WNT7B: variants seen among roughly 807,000 people sequenced by gnomAD.
WNT7B encodes the protein protein Wnt-7b.
In WNT7B, 19 loss-of-function variants were observed where a neutral mutation model predicts 38.2. That is an observed-to-expected ratio of 0.50 (90% confidence interval 0.35 to 0.73). WNT7B has a LOEUF of 0.73. Ranked by LOEUF, WNT7B falls within the 30% of genes least tolerant of loss-of-function variation. WNT7B has a pLI of 0.01. For missense variants in WNT7B, 423 were observed against 507.9 expected (o/e 0.83, Z 1.61); for synonymous variants, 243 against 209.3 (o/e 1.16, Z -1.39).
rs1244529283 is a variant in WNT7B at position 45,921,568 on chromosome 22, T to C, written c.*1288A>G. The C allele has an allele frequency of 1.3e-5, 2 of 152,098 alleles. No individual in the cohort carries two copies. The allele number at this position is 152,098 out of a possible 1,614,324, so 9.4% of individuals were successfully genotyped here. A position where few individuals can be genotyped will look rare whatever the true frequency, so the allele number is the denominator to read the frequency against. On this transcript the variant is annotated 3_prime_UTR_variant, in exon 4 of 4. Coordinates refer to ENST00000339464, the MANE Select transcript of WNT7B (RefSeq NM_058238.3). ...GGCCTCAGAGTTCCCATCTGTCAAG[T>C]GGGACAAACATCCCTGACCACTCAC...
chr22:45,959,433 C>T (rs1263814530), intron 1 of WNT7B, among the ~76,000 whole-genome samples: 2 of 152,092 alleles, frequency 1.3e-5, no homozygotes, highest in Non-Finnish European at 2.9e-5. Context: ...CCAAAGTCGC[C>T]CTCGAGAGGG....
At chr22:45,945,952 A>G (rs1416661744) in intron 2 of WNT7B, among the ~76,000 whole-genome samples, 2 of 152,256 alleles carry the variant, frequency 1.3e-5, no homozygotes, top group African/African-American at 4.8e-5. Context: ...AGGCTAGCAC[A>G]TGATGGGCAG....
At chr22:45,945,124 C>T (rs1054698924) in intron 2 of WNT7B, among the ~76,000 whole-genome samples, 2 of 151,884 alleles carry the variant, frequency 1.3e-5, no homozygotes, top group Non-Finnish European at 2.9e-5. Context: ...ACTCTTGTTG[C>T]CCAGGCTGGA....
At chr22:45,943,236 G>A (rs912655940) in intron 2 of WNT7B, among the ~76,000 whole-genome samples, 12 of 152,118 alleles carry the variant, frequency 7.9e-5, no homozygotes, top group East Asian at 5.8e-4. Flanking sequence ...AGCCCCACCC[G>A]GACCCCACCC....
In WNT7B at chr22:45,921,340, G is replaced by T. The variant is rs1487490488; in HGVS notation, c.*1516C>A. ...GGACAGGGCTAGGCGAAGCCTCAAA[G>T]GCACCGAGGGGAGTGCAGGCCCCAA... On this transcript the variant is annotated 3_prime_UTR_variant, in exon 4 of 4. Transcript: ENST00000339464. The T allele has an allele frequency of 6.6e-6, 1 of 152,342 alleles. No homozygotes were observed. Among genetic ancestry groups the T allele is most frequent in the Non-Finnish European group, 1.5e-5 (1 of 68,106 alleles). 9.4% of individuals were successfully genotyped at this position (152,342 alleles called of 1,614,324 possible).
intron 1 of WNT7B, among the ~76,000 whole-genome samples, chr22:45,960,694 C>T (rs569895490): frequency 6.6e-6 from 1 of 152,378 alleles, no homozygotes; most frequent in South Asian, 2.1e-4. Flanking sequence ...TTCCAATTAT[C>T]TGTGATCAGC....
At chr22:45,929,920 C>G (rs985576430) in intron 3 of WNT7B, among the ~76,000 whole-genome samples, 1 of 150,592 alleles carries the variant, frequency 6.6e-6, no homozygotes, top group South Asian at 2.1e-4. Context: ...ATCCATCTAT[C>G]CTCCCATCCA....
chr22:45,974,412 G>C (rs1485718823), intron 1 of WNT7B, among the ~76,000 whole-genome samples: 1 of 152,214 alleles, frequency 6.6e-6, no homozygotes, highest in East Asian at 1.9e-4. Context: ...GCGTAGCCAA[G>C]ATGGCTTGCA....
intron 2 of WNT7B, among the ~76,000 whole-genome samples, chr22:45,945,616 C>A (rs1358773800): frequency 6.6e-6 from 1 of 152,260 alleles, no homozygotes; most frequent in Non-Finnish European, 1.5e-5. Flanking sequence ...AGTGAAGAAT[C>A]CAGCCCTCGA....
intron 3 of WNT7B, among the ~76,000 whole-genome samples, chr22:45,929,119 T>A (rs1269441606): frequency 6.6e-6 from 1 of 152,192 alleles, no homozygotes; most frequent in Non-Finnish European, 1.5e-5. Flanking sequence ...CTGCAGAGGC[T>A]CGAGGATGGT....
In WNT7B at chr22:45,920,501, G is replaced by A; in HGVS notation, c.*2355C>T. 1 of 152,128 alleles carries A rather than the reference G, an allele frequency of 6.6e-6. No individual in the cohort carries two copies. 9.4% of individuals were successfully genotyped at this position (152,128 alleles called of 1,614,324 possible). ...TGACCCCCGTCTCACCCAGGCAAAG[G>A]GCCTGTTGCTGGCAGACTTTGGGGT... On this transcript the variant is annotated 3_prime_UTR_variant, in exon 4 of 4. Coordinates refer to ENST00000339464, the MANE Select transcript of WNT7B (RefSeq NM_058238.3).
intron 3 of WNT7B, among the ~76,000 whole-genome samples, chr22:45,928,537 C>G (rs940181405): frequency 2.0e-5 from 3 of 152,172 alleles, no homozygotes; most frequent in Non-Finnish European, 2.9e-5. Flanking sequence ...GAATTGGCCA[C>G]TGGCGGCATC....
chr22:45,948,426 T>C (rs1931847441), intron 2 of WNT7B, among the ~76,000 whole-genome samples: 1 of 152,120 alleles, frequency 6.6e-6, no homozygotes, highest in African/African-American at 2.4e-5. Flanking sequence ...CCCCAGGGGC[T>C]TTTCCCCTGC....
intron 3 of WNT7B, among the ~76,000 whole-genome samples, chr22:45,927,913 G>C (rs1931143283): frequency 6.6e-6 from 1 of 152,206 alleles, no homozygotes; most frequent in Non-Finnish European, 1.5e-5. Context: ...AGAGATGGAA[G>C]AGAAGACGAC....
intron 3 of WNT7B, chr22:45,926,917 G>A: frequency 1.0e-6 from 1 of 985,466 alleles, no homozygotes; most frequent in South Asian, 4.7e-5. Context: ...GCAGGACGCT[G>A]TGGACCCTCA....
At position 45,975,193 on chromosome 22, in the gene WNT7B, G is replaced by C. The variant is rs78976711; in HGVS notation, c.71+1491C>G. On this transcript the variant is annotated intron_variant, in intron 1 of 3. Transcript: ENST00000339464. This position sits in a 1 kb window ranked among gnomAD's most constrained non-coding sequence, Gnocchi z 6.6. ...CCTAACTACTCTAGGGGTGCCAGGAGGGGGAAGGCCTCAGCGCTGAGAATC... is the reference window on the plus strand; with the variant it reads ...CCTAACTACTCTAGGGGTGCCAGGACGGGGAAGGCCTCAGCGCTGAGAATC... Among the ~76,000 whole-genome samples, 102 of 152,280 alleles carry C rather than the reference G, an allele frequency of 6.7e-4. No homozygotes were observed. Among genetic ancestry groups the C allele is most frequent in the African/African-American group, 2.4e-3 (99 of 41,556 alleles).
In WNT7B at chr22:45,921,386, G is replaced by C. The variant is rs1930924136; in HGVS notation, c.*1470C>G. 1 of 152,382 alleles carries C rather than the reference G, an allele frequency of 6.6e-6. No homozygotes were observed. The highest frequency in any genetic ancestry group is 6.5e-5 in the Admixed American group (1 of 15,280). The allele number at this position is 152,382 out of a possible 1,614,324, so 9.4% of individuals were successfully genotyped here. ...CCCAATGAGGCTGTCAGGGGGTGGA[G>C]GGAGCAGCCAAGTGCCTCAAGGCAT... is the stretch of plus-strand genomic sequence containing the variant. On this transcript the variant is annotated 3_prime_UTR_variant, in exon 4 of 4. Transcript: ENST00000339464.
At position 45,951,559 on chromosome 22, in the gene WNT7B, C is replaced by T. The variant is rs771914464; in HGVS notation, c.72-1413G>A. On this transcript the variant is annotated intron_variant, in intron 1 of 3. Coordinates refer to ENST00000339464, the MANE Select transcript of WNT7B (RefSeq NM_058238.3). This position sits in a 1 kb window ranked among gnomAD's most constrained non-coding sequence, Gnocchi z 4.8. The stretch of plus-strand genomic sequence containing the variant: ...CAGTCACTCCCCGTTCTCCCCTCCC[C>T]GACCCAGCAACCACCAGTCTGCTTT... 2.6e-5 allele frequency among the ~76,000 whole-genome samples: 4 copies of T among 152,204 alleles called. No individual in the cohort carries two copies. The highest frequency in any genetic ancestry group is 2.9e-5 in the Non-Finnish European group (2 of 68,032).
intron 3 of WNT7B, among the ~76,000 whole-genome samples, chr22:45,927,800 G>A (rs1331973526): frequency 6.6e-6 from 1 of 152,242 alleles, no homozygotes; most frequent in African/African-American, 2.4e-5. Flanking sequence ...GGAGGCTGAG[G>A]CAGGAGAATT....
Sources: gnomAD v4.1 joint callset for allele counts (sites outside exome capture counted in the v4.1 genomes callset) on GRCh38, gnomAD v4.1.1 for gene constraint, Gnocchi (gnomAD v3.1) non-coding constraint, MANE v1.5 for transcripts, NCBI Gene and HGNC (gene_info 2026-07-23, HGNC 2026-07-21) for gene names.